Variants in PPP3CC observed in about 807,000 individuals in gnomAD.
PPP3CC encodes the protein serine/threonine-protein phosphatase 2B catalytic subunit gamma isoform.
PPP3CC carries 35 observed loss-of-function variants against 60.3 expected under a neutral mutation model. The observed-to-expected ratio is 0.58, with a 90% CI of 0.44 to 0.77. PPP3CC has a LOEUF of 0.77. Ranked by LOEUF, PPP3CC falls within the 30% of genes least tolerant of loss-of-function variation. PPP3CC has a pLI of 0.00. For synonymous variants in PPP3CC, 206 were observed against 224.3 expected (o/e 0.92, Z 0.73); for missense variants, 570 against 628.9 (o/e 0.91, Z 1.00).
chr8:22,519,879 C>T (rs753083933), intron 6 of PPP3CC, among the ~76,000 whole-genome samples: 1 of 152,164 alleles, frequency 6.6e-6, no homozygotes, highest in Non-Finnish European at 1.5e-5. Context: ...TGGTCTCTAA[C>T]TCCTGGCCTC....
chr8:22,536,879 T>C (rs1297341247), intron 12 of PPP3CC, among the ~76,000 whole-genome samples: 1 of 152,100 alleles, frequency 6.6e-6, no homozygotes. Flanking sequence ...CTAAGAGGGA[T>C]TGGCGTGAGT....
At chr8:22,508,672 C>G (rs1174171150) in intron 4 of PPP3CC, among the ~76,000 whole-genome samples, 1 of 152,162 alleles carries the variant, frequency 6.6e-6, no homozygotes, top group Non-Finnish European at 1.5e-5. Flanking sequence ...AATTGAAATT[C>G]CTACCTCTAT....
Position 22,528,525 on chromosome 8 carries a change from T to C in PPP3CC, c.1089T>C (p.Asn363=), listed in dbSNP as rs1839620714. Reference sequence around the variant, plus strand: ...ACTTAGTCACAGAGATGCTGGTAAATGTGCTCAACATATGCTCTGATGACG... The same window carrying C: ...ACTTAGTCACAGAGATGCTGGTAAACGTGCTCAACATATGCTCTGATGACG... ...VGEKVTEMLV[N]VLNICSDDEL... is the part of the protein sequence containing the mutation. Residue 363 remains asparagine (N), a synonymous_variant, in exon 10 of 14, where the codon AAT becomes AAC. Coordinates refer to ENST00000240139, the MANE Select transcript of PPP3CC (RefSeq NM_005605.5). 3 of 1,552,890 alleles carry C rather than the reference T, an allele frequency of 1.9e-6. No individual in the cohort carries two copies. The highest frequency in any genetic ancestry group is 2.6e-6 in the Non-Finnish European group (3 of 1,144,090).
chr8:22,495,115 A>G (rs1838527485), intron 3 of PPP3CC, among the ~76,000 whole-genome samples: 1 of 151,904 alleles, frequency 6.6e-6, no homozygotes, highest in Admixed American at 6.6e-5. Flanking sequence ...CATCTGGCTA[A>G]TTTTTAAATG....
chr8:22,475,512 T>C lies in PPP3CC; in HGVS notation c.260T>C (p.Ile87Thr). ...CTTTTTTTCCTAGTATGTGGTGATA[T>C]TCATGGACAATTCTTTGACCTAATG... is the stretch of plus-strand genomic sequence containing the variant. ...VDAPITVCGD[I>T]HGQFFDLMKL... Residue 87 changes from isoleucine (I) to threonine (T), a missense_variant, in exon 3 of 14, where the codon ATT becomes ACT. Coordinates refer to ENST00000240139, the MANE Select transcript of PPP3CC (RefSeq NM_005605.5). 1.2e-6 allele frequency: 2 copies of C among 1,610,286 alleles called. No individual in the cohort carries two copies. The highest frequency in any genetic ancestry group is 1.7e-6 in the Non-Finnish European group (2 of 1,177,910).
intron 1 of PPP3CC, among the ~76,000 whole-genome samples, chr8:22,453,908 A>G (rs1352158046): frequency 6.6e-6 from 1 of 152,216 alleles, no homozygotes; most frequent in Non-Finnish European, 1.5e-5. Flanking sequence ...TAGGGCTTGC[A>G]GGACTGGAAA....
intron 1 of PPP3CC, among the ~76,000 whole-genome samples, chr8:22,450,753 AT>A: frequency 6.6e-6 from 1 of 151,868 alleles, no homozygotes; most frequent in South Asian, 2.1e-4. Flanking sequence ...CTTGTGTTCC[AT>A]TTCTTCCTCC....
chr8:22,524,168 A>G (rs1839480155), intron 8 of PPP3CC, among the ~76,000 whole-genome samples: 1 of 152,246 alleles, frequency 6.6e-6, no homozygotes, highest in African/African-American at 2.4e-5. Context: ...GATAATATCA[A>G]AGGACCACAC....
chr8:22,462,704 G>C (rs750991895), intron 1 of PPP3CC, among the ~76,000 whole-genome samples: 5 of 151,938 alleles, frequency 3.3e-5, no homozygotes, highest in Non-Finnish European at 5.9e-5. Context: ...CTGAGTAGCT[G>C]GGACTACAGG....
chr8:22,512,891 A>G (rs2117095064), intron 5 of PPP3CC, among the ~76,000 whole-genome samples: 1 of 152,288 alleles, frequency 6.6e-6, no homozygotes, highest in East Asian at 1.9e-4. Flanking sequence ...AGCCTGACCA[A>G]CATGGAGAAA....
In PPP3CC at chr8:22,483,531, C is replaced by T. The variant is rs763555214; in HGVS notation, c.372+7907C>T. On this transcript the variant is annotated intron_variant, in intron 3 of 13. Coordinates refer to ENST00000240139, the MANE Select transcript of PPP3CC (RefSeq NM_005605.5). ...ACGATCTCCTGACCTTGTGATCTGC[C>T]TGCCTGGGCCTCCCAAAGTGCTGGG... 3.0e-4 allele frequency among the ~76,000 whole-genome samples: 46 copies of T among 152,204 alleles called. 1 individual carries two copies. Among genetic ancestry groups the T allele is most frequent in the South Asian group, 8.3e-4 (4 of 4,832 alleles).
chr8:22,475,085 A>G lies in PPP3CC; in HGVS notation c.181A>G (p.Ile61Val), dbSNP rs1837846709. ...GGAAGAGGAAGTAGCCTTAAAGATA[A>G]TCAATGATGGGGCTGCCATCCTGAG... ...RLEEEVALKI[I>V]NDGAAILRQE... The change falls in exon 2 of 14, where the codon ATC becomes GTC. Residue 61 changes from isoleucine (I) to valine (V), a missense_variant. Coordinates refer to ENST00000240139, the MANE Select transcript of PPP3CC (RefSeq NM_005605.5). The G allele has an allele frequency of 6.2e-7, 1 of 1,613,888 alleles. No individual in the cohort carries two copies.
At chr8:22,531,210 A>AC in intron 10 of PPP3CC, 1 of 1,244,168 alleles carries the variant, frequency 8.0e-7, no homozygotes. Flanking sequence ...TTTCACTTTG[A>AC]TTTTTTTTTC....
intron 3 of PPP3CC, among the ~76,000 whole-genome samples, chr8:22,476,007 T>TTTC (rs1414871284): frequency 6.6e-6 from 1 of 152,216 alleles, no homozygotes; most frequent in African/African-American, 2.4e-5. Context: ...AACACTTAGA[T>TTTC]TAACTGCCAG....
intron 10 of PPP3CC, chr8:22,531,195 T>C: frequency 9.3e-7 from 1 of 1,071,890 alleles, no homozygotes; most frequent in Admixed American, 2.0e-5. Flanking sequence ...GTTTCTCTCA[T>C]TGCATTTCAC....
chr8:22,498,676 A>C (rs1011923700), intron 4 of PPP3CC, among the ~76,000 whole-genome samples: 1 of 152,218 alleles, frequency 6.6e-6, no homozygotes, highest in Non-Finnish European at 1.5e-5. Context: ...TATTTTTGAC[A>C]ACATGGTTTG....
chr8:22,469,530 C>A (rs1424777589), intron 1 of PPP3CC, among the ~76,000 whole-genome samples: 1 of 151,868 alleles, frequency 6.6e-6, no homozygotes, highest in Non-Finnish European at 1.5e-5. Flanking sequence ...CATAATTCCT[C>A]ATGTAATCTG....
intron 1 of PPP3CC, among the ~76,000 whole-genome samples, chr8:22,441,730 G>A (rs1836679205): frequency 1.3e-5 from 2 of 152,186 alleles, no homozygotes; most frequent in African/African-American, 2.4e-5. Context: ...GCCCCGAAGG[G>A]CCCGGATCCC....
At chr8:22,464,108 T>G (rs559398406) in intron 1 of PPP3CC, among the ~76,000 whole-genome samples, 1 of 152,300 alleles carries the variant, frequency 6.6e-6, no homozygotes, top group Admixed American at 6.5e-5. Flanking sequence ...TAACCACATT[T>G]TATTATACAT....
Sources: allele counts gnomAD v4.1 joint callset (sites outside exome capture counted in the v4.1 genomes callset), GRCh38; gene constraint gnomAD v4.1.1; transcripts MANE v1.5; gene names NCBI Gene and HGNC (gene_info 2026-07-23, HGNC 2026-07-21).